Variants in VPS13A observed in about 807,000 individuals in gnomAD.
VPS13A encodes the protein vacuolar protein sorting 13 homolog A.
Under a neutral mutation model 390.9 loss-of-function variants are expected in VPS13A, and 264 were observed. The ratio of observed to expected loss-of-function variants is 0.68; its 90% CI spans 0.61 to 0.75. The LOEUF (loss-of-function observed/expected upper bound fraction) is 0.75. Among genes scored for constraint, VPS13A ranks in the 30% least tolerant of loss-of-function variants. The probability of loss-of-function intolerance (pLI) is 0.00; values close to 1 mark genes in which losing one functional copy is unlikely to be tolerated. For synonymous variants in VPS13A, 1,231 were observed against 1,227.1 expected (o/e 1.00, Z -0.07); for missense variants, 3,409 against 3,733.9 (o/e 0.91, Z 2.27).
At chr9:77,292,983 T>C (rs1182276039) in intron 31 of VPS13A, among the ~76,000 whole-genome samples, 1 of 151,766 alleles carries the variant, frequency 6.6e-6, no homozygotes, top group Non-Finnish European at 1.5e-5. Flanking sequence ...TTCAAATTTT[T>C]GTCAGTCAAT....
chr9:77,278,001 C>T (rs981909862), intron 26 of VPS13A, among the ~76,000 whole-genome samples: 3 of 152,250 alleles, frequency 2.0e-5, no homozygotes, highest in South Asian at 2.1e-4. Context: ...AGTAAACCAA[C>T]GTGACAGTGT....
intron 71 of VPS13A, among the ~76,000 whole-genome samples, chr9:77,413,388 CAG>C (rs754250848): frequency 4.0e-4 from 61 of 152,284 alleles, no homozygotes; most frequent in South Asian, 8.3e-4. Context: ...GGTACCAAAA[CAG>C]AGATATAGAC....
intron 1 of VPS13A, among the ~76,000 whole-genome samples, chr9:77,193,868 G>A (rs935932453): frequency 1.3e-5 from 2 of 152,076 alleles, no homozygotes; most frequent in East Asian, 1.9e-4. Flanking sequence ...GAGTTTAGTC[G>A]ACTGGCATAG....
chr9:77,339,753 C>CAT lies in VPS13A; in HGVS notation c.6617_6618insTA (p.Gln2206HisfsTer59). The CAT allele has an allele frequency of 6.2e-7, 1 of 1,614,024 alleles. No homozygotes were observed. Among genetic ancestry groups the CAT allele is most frequent in the Non-Finnish European group, 8.5e-7 (1 of 1,179,988 alleles). Reference sequence around the variant, plus strand: ...TGTCCATATGACTTACAATACTGGTCAGACAGTTGTGGCATTTCATAGTCC... The same window carrying CAT: ...TGTCCATATGACTTACAATACTGGTCATAGACAGTTGTGGCATTTCATAGTCC... On this transcript the variant is annotated frameshift_variant, in exon 48 of 72. Transcript: ENST00000360280. LOFTEE classifies it high-confidence loss of function.
intron 71 of VPS13A, among the ~76,000 whole-genome samples, chr9:77,409,747 GA>G (rs1267035836): frequency 6.6e-6 from 1 of 151,058 alleles, no homozygotes; most frequent in Non-Finnish European, 1.5e-5. Flanking sequence ...GAAGTTTAGA[GA>G]AAAAAGAATA....
chr9:77,314,065 A>G lies in VPS13A; in HGVS notation c.4188A>G (p.Ile1396Met), dbSNP rs771685123. The G allele has an allele frequency of 6.2e-7, 1 of 1,613,402 alleles. No homozygotes were observed. The highest frequency in any genetic ancestry group is 8.5e-7 in the Non-Finnish European group (1 of 1,179,582). The stretch of plus-strand genomic sequence containing the variant: ...TACTAGTTAAGACAACACTAAACAT[A>G]AGCTTCAAAACTGATGATCTCACCA... ...RALLVKTTLN[I>M]SFKTDDLTMV... The change falls in exon 36 of 72, where the codon ATA (isoleucine) becomes ATG (methionine). Residue 1396 changes from isoleucine to methionine, a missense_variant. Physicochemically the swap from Ile to Met is conservative, Grantham distance 10. Transcript: ENST00000360280.
chr9:77,280,134 A>G, intron 26 of VPS13A, 25 bp from the exon 27 acceptor site: 1 of 1,535,736 alleles, frequency 6.5e-7, no homozygotes, highest in Non-Finnish European at 9.0e-7. Context: ...CGATGAAAAG[A>G]TAATTTTTAA....
intron 68 of VPS13A, among the ~76,000 whole-genome samples, chr9:77,392,640 A>G (rs1833943677): frequency 6.6e-6 from 1 of 152,054 alleles, no homozygotes; most frequent in African/African-American, 2.4e-5. Context: ...TCACACGCAT[A>G]TATTTGTTCT....
intron 68 of VPS13A, chr9:77,395,604 C>A (rs535700044): frequency 1.3e-5 from 2 of 152,208 alleles, no homozygotes; most frequent in East Asian, 1.9e-4. Context: ...TTGTAAAAAA[C>A]ACAATATCTG....
chr9:77,246,715 T>C (rs1326649233), intron 19 of VPS13A, among the ~76,000 whole-genome samples: 1 of 152,152 alleles, frequency 6.6e-6, no homozygotes, highest in African/African-American at 2.4e-5. Flanking sequence ...AGTGAATGAA[T>C]TAAATTTATT....
chr9:77,363,333 A>ATGGAAATG (rs1563960644), intron 59 of VPS13A, among the ~76,000 whole-genome samples: 5 of 147,098 alleles, frequency 3.4e-5, no homozygotes. Context: ...TTCTGCATCT[A>ATGGAAATG]TGGAAATGAT....
intron 14 of VPS13A, 108 bp from the exon 15 acceptor site, chr9:77,226,358 C>G: frequency 3.9e-6 from 4 of 1,030,098 alleles, no homozygotes; most frequent in Non-Finnish European, 4.5e-6. Flanking sequence ...ATATTGTTTA[C>G]ATTCATTTTG....
intron 53 of VPS13A, 151 bp from the exon 54 acceptor site, chr9:77,353,258 T>G (rs1831569028): frequency 3.2e-6 from 2 of 626,410 alleles, no homozygotes; most frequent in Admixed American, 3.1e-5. Flanking sequence ...GCAAGTATTC[T>G]ACAAATATTA....
intron 45 of VPS13A, among the ~76,000 whole-genome samples, chr9:77,330,673 G>A (rs914412874): frequency 6.6e-6 from 1 of 152,094 alleles, no homozygotes; most frequent in African/African-American, 2.4e-5. Context: ...TGCTCTGGAT[G>A]TTGGTTATTG....
intron 47 of VPS13A, 104 bp downstream of exon 47, chr9:77,337,641 G>T: frequency 8.6e-7 from 1 of 1,165,134 alleles, no homozygotes; most frequent in Non-Finnish European, 1.2e-6. Context: ...ATAAAAATTA[G>T]AATACTAGTA....
intron 26 of VPS13A, among the ~76,000 whole-genome samples, chr9:77,279,391 C>T (rs1168234886): frequency 6.6e-6 from 1 of 152,046 alleles, no homozygotes; most frequent in African/African-American, 2.4e-5. Flanking sequence ...CTTTTTCTGC[C>T]ATGCTGCCCT....
chr9:77,320,087 A>G (rs1259035104), intron 42 of VPS13A, among the ~76,000 whole-genome samples: 6 of 152,194 alleles, frequency 3.9e-5, no homozygotes, highest in Non-Finnish European at 8.8e-5. Context: ...AATTTAGAAC[A>G]TAATTTAGAA....
intron 1 of VPS13A, among the ~76,000 whole-genome samples, chr9:77,185,043 T>C (rs542961339): frequency 6.6e-6 from 1 of 152,102 alleles, no homozygotes; most frequent in Admixed American, 6.5e-5. Context: ...TTATAGCTGG[T>C]CAATCAGAAG....
intron 67 of VPS13A, 102 bp downstream of exon 67, chr9:77,371,251 T>G: frequency 2.0e-6 from 3 of 1,522,654 alleles, no homozygotes; most frequent in Non-Finnish European, 2.7e-6. Flanking sequence ...TGTCTTTGTT[T>G]TGTGCTGCTA....
Sources: gnomAD v4.1 joint callset for allele counts (sites outside exome capture counted in the v4.1 genomes callset) on GRCh38, gnomAD v4.1.1 for gene constraint, MANE v1.5 for transcripts, NCBI Gene and HGNC (gene_info 2026-07-23, HGNC 2026-07-21) for gene names.